Variants in TIAM1 observed in about 807,000 individuals in gnomAD.
The protein encoded by TIAM1 is TIAM Rac1 associated GEF 1, also known as rho guanine nucleotide exchange factor TIAM1.
Under a neutral mutation model 163.5 loss-of-function variants are expected in TIAM1, and 65 were observed. The observed-to-expected ratio is 0.40, with a 90% CI of 0.33 to 0.49. TIAM1 has a LOEUF of 0.49. Among genes scored for constraint, TIAM1 ranks in the 20% least tolerant of loss-of-function variants. The pLI, the probability that TIAM1 is intolerant of heterozygous loss-of-function variation, is 0.77. For missense variants in TIAM1, 1,789 were observed against 2,044.7 expected, an observed-to-expected ratio of 0.87 and a Z score of 2.41; for synonymous variants, 833 against 810.1, an observed-to-expected ratio of 1.03 and a Z score of -0.48.
At chr21:31,260,740 G>GAAA (rs35382269) in intron 4 of TIAM1, among the ~76,000 whole-genome samples, 18 of 137,312 alleles carry the variant, frequency 1.3e-4, no homozygotes, top group African/African-American at 4.8e-4. Flanking sequence ...GAGGAGAACA[G>GAAA]AAAAAAAAAA....
chr21:31,546,658 T>A (rs1381130390), intron 1 of TIAM1, among the ~76,000 whole-genome samples: 1 of 152,108 alleles, frequency 6.6e-6, no homozygotes, highest in Non-Finnish European at 1.5e-5. Context: ...ATTTTAACAC[T>A]GCTAGAGGTC....
chr21:31,279,064 T>C (rs2073428537), intron 2 of TIAM1, among the ~76,000 whole-genome samples: 1 of 152,120 alleles, frequency 6.6e-6, no homozygotes, highest in South Asian at 2.1e-4. Context: ...AAAAATTACG[T>C]ATTCAGATAG....
At chr21:31,304,145 T>C (rs1193389662) in intron 2 of TIAM1, among the ~76,000 whole-genome samples, 1 of 152,150 alleles carries the variant, frequency 6.6e-6, no homozygotes, top group African/African-American at 2.4e-5. Flanking sequence ...CACATGTTCA[T>C]ATACTTCACT....
chr21:31,210,363 A>C, intron 10 of TIAM1, 148 bp from the exon 11 acceptor site: 2 of 772,560 alleles, frequency 2.6e-6, no homozygotes, highest in Non-Finnish European at 2.1e-6. Flanking sequence ...GAACCCTTGG[A>C]GAGAGAGAAA....
intron 2 of TIAM1, among the ~76,000 whole-genome samples, chr21:31,424,466 G>C (rs1049082584): frequency 1.3e-5 from 2 of 152,114 alleles, no homozygotes; most frequent in African/African-American, 2.4e-5. Context: ...GCCTTAAAAG[G>C]AAAAATATTC....
intron 16 of TIAM1, among the ~76,000 whole-genome samples, chr21:31,158,932 T>C (rs1601342494): frequency 6.6e-6 from 1 of 152,014 alleles, no homozygotes; most frequent in Admixed American, 6.5e-5. Context: ...TCCTAGTCAT[T>C]CCCACACCAA....
In TIAM1 at chr21:31,402,211, C is replaced by CA. The variant is rs201191352; in HGVS notation, c.-369+61771dup. ...CTGGCGACAGAGTGAGACTCTGTCTCAAAAAAAACAACAACAACAAAAAAT... is the reference window on the plus strand; with the variant it reads ...CTGGCGACAGAGTGAGACTCTGTCTCAAAAAAAAACAACAACAACAAAAAAT... On this transcript the variant is annotated intron_variant, in intron 2 of 28. Transcript: ENST00000286827. Among the ~76,000 whole-genome samples the CA allele has an allele frequency of 5.9e-3, 892 of 150,366 alleles. 5 individuals are homozygous for CA. The highest frequency in any genetic ancestry group is 0.014 in the Middle Eastern group (4 of 294).
intron 2 of TIAM1, among the ~76,000 whole-genome samples, chr21:31,391,859 G>A (rs537415482): frequency 6.6e-6 from 1 of 152,138 alleles, no homozygotes; most frequent in South Asian, 2.1e-4. Context: ...CCCTGATTTA[G>A]GACGGTTAGA....
intron 1 of TIAM1, among the ~76,000 whole-genome samples, chr21:31,498,482 T>C (rs532352210): frequency 6.6e-6 from 1 of 152,306 alleles, no homozygotes; most frequent in South Asian, 2.1e-4. Context: ...ACAGTTGCTC[T>C]CCCAGCCAAG....
upstream of TIAM1, among the ~76,000 whole-genome samples, chr21:31,346,948 G>A (rs1042714327): frequency 2.0e-5 from 3 of 152,050 alleles, no homozygotes; most frequent in Non-Finnish European, 4.4e-5. Context: ...ATTTTGCATG[G>A]AGGGGGAGAA....
At chr21:31,267,061 C>G (rs2072818194) in intron 3 of TIAM1, 78 bp from the exon 4 acceptor site, 4 of 1,501,472 alleles carry the variant, frequency 2.7e-6, no homozygotes, top group African/African-American at 2.8e-5. Context: ...AAGCGCTCAG[C>G]CTGCAGGGAG....
chr21:31,199,870 C>T (rs565153475), intron 12 of TIAM1, among the ~76,000 whole-genome samples: 25 of 150,654 alleles, frequency 1.7e-4, no homozygotes, highest in African/African-American at 6.1e-4. Context: ...TATGATTCCA[C>T]TCCCTCTCTT....
intron 1 of TIAM1, among the ~76,000 whole-genome samples, chr21:31,555,005 G>A (rs1451583324): frequency 6.6e-6 from 1 of 152,092 alleles, no homozygotes; most frequent in Admixed American, 6.6e-5. Context: ...AGGCTGGGAA[G>A]GGAATGGAAG....
intron 1 of TIAM1, among the ~76,000 whole-genome samples, chr21:31,518,459 G>C (rs1198010990): frequency 6.6e-6 from 1 of 152,008 alleles, no homozygotes; most frequent in Non-Finnish European, 1.5e-5. Flanking sequence ...AGCTAACTTT[G>C]TATTTTTAGT....
chr21:31,287,293 G>T (rs772601761), intron 2 of TIAM1, among the ~76,000 whole-genome samples: 4 of 152,308 alleles, frequency 2.6e-5, no homozygotes, highest in Non-Finnish European at 5.9e-5. Context: ...GGGTAAGACA[G>T]AGTATCTATG....
chr21:31,385,072 T>C (rs887593596), intron 2 of TIAM1, among the ~76,000 whole-genome samples: 2 of 152,150 alleles, frequency 1.3e-5, no homozygotes, highest in African/African-American at 2.4e-5. Context: ...TCTTTTTTTG[T>C]GTGTGTGAAA....
chr21:31,323,600 G>A (rs1264873408), intron 2 of TIAM1, among the ~76,000 whole-genome samples: 1 of 152,092 alleles, frequency 6.6e-6, no homozygotes, highest in Non-Finnish European at 1.5e-5. Context: ...GGAGGCCGAG[G>A]CGGGTGGATC....
intron 16 of TIAM1, among the ~76,000 whole-genome samples, chr21:31,164,121 T>G (rs1601370331): frequency 6.6e-6 from 1 of 152,210 alleles, no homozygotes; most frequent in East Asian, 1.9e-4. Flanking sequence ...CCGGGTGCAG[T>G]GGCTCACGCC....
intron 22 of TIAM1, among the ~76,000 whole-genome samples, chr21:31,139,851 TGTGCGATTCTTTGTAAAGTGTAG>T (rs1324494703): frequency 8.5e-5 from 13 of 152,218 alleles, no homozygotes; most frequent in Admixed American, 5.2e-4. Context: ...TTTGAGAGCC[TGTGCGATTCTTTGTAAAGTGTAG>T]GTAACAGACA....
Sources: gnomAD v4.1 joint callset for allele counts (sites outside exome capture counted in the v4.1 genomes callset) on GRCh38, gnomAD v4.1.1 for gene constraint, MANE v1.5 for transcripts, NCBI Gene and HGNC (gene_info 2026-07-23, HGNC 2026-07-21) for gene names.